Variants in RPS6KA2 observed in about 807,000 individuals in gnomAD.
RPS6KA2 encodes ribosomal protein S6 kinase A2.
RPS6KA2 carries 42 observed loss-of-function variants against 91.8 expected under a neutral mutation model. That is an observed-to-expected ratio of 0.46 (90% CI 0.36 to 0.59). RPS6KA2 has a LOEUF of 0.59. RPS6KA2 is among the 20% of genes least tolerant of loss of function. The probability of loss-of-function intolerance (pLI) is 0.00; values close to 1 mark genes in which losing one functional copy is unlikely to be tolerated. For synonymous variants in RPS6KA2, 414 were observed against 393.6 expected, an observed-to-expected ratio of 1.05 and a Z score of -0.61; for missense variants, 798 against 978.5, an observed-to-expected ratio of 0.82 and a Z score of 2.46.
chr6:166,815,737 G>A (rs1018765280), intron 2 of RPS6KA2, among the ~76,000 whole-genome samples: 1 of 152,176 alleles, frequency 6.6e-6, no homozygotes, highest in African/African-American at 2.4e-5. Flanking sequence ...ACAATAAAAG[G>A]AAAAATTTCA....
intron 2 of RPS6KA2, among the ~76,000 whole-genome samples, chr6:166,845,373 T>C (rs1780580092): frequency 6.6e-6 from 1 of 152,128 alleles, no homozygotes; most frequent in Non-Finnish European, 1.5e-5. Context: ...TTAACAGATA[T>C]TTACAGAACA....
chr6:166,416,205 ACCATCACCCTCG>A (rs1778511571), intron 19 of RPS6KA2, among the ~76,000 whole-genome samples: 3 of 150,936 alleles, frequency 2.0e-5, no homozygotes. Context: ...CATCAACCCT[ACCATCACCCTCG>A]CCATCATCTT....
intron 12 of RPS6KA2, among the ~76,000 whole-genome samples, chr6:166,455,877 C>T (rs145651280): frequency 4.4e-4 from 67 of 152,342 alleles, no homozygotes; most frequent in Middle Eastern, 3.4e-3. Flanking sequence ...AATCTTCAAA[C>T]CTGGAGGCAC....
At position 166,603,282 on chromosome 6, in the gene RPS6KA2, C is replaced by A. The variant is rs1785816431; in HGVS notation, c.99+23639G>T. On this transcript the variant is annotated intron_variant, in intron 1 of 20. Coordinates refer to ENST00000265678, the MANE Select transcript of RPS6KA2 (RefSeq NM_021135.6). The surrounding 1 kb of genome is among the most constrained non-coding windows in gnomAD (Gnocchi z 4.3). ...GGGAAGCTTGGCTGAGATCACTGCA[C>A]CTGCTCTCGGCTTGTGTGGGCCATG... 6.6e-6 allele frequency among the ~76,000 whole-genome samples: 1 copy of A among 152,180 alleles called. No individual in the cohort carries two copies. Among genetic ancestry groups the A allele is most frequent in the African/African-American group, 2.4e-5 (1 of 41,440 alleles).
intron 11 of RPS6KA2, among the ~76,000 whole-genome samples, chr6:166,469,122 G>C (rs1244484562): frequency 6.6e-6 from 1 of 152,190 alleles, no homozygotes; most frequent in Non-Finnish European, 1.5e-5. Context: ...CCCTGTGTGG[G>C]GGACGCGTCA....
chr6:166,832,516 C>A (rs761137025), intron 2 of RPS6KA2, among the ~76,000 whole-genome samples: 4 of 152,062 alleles, frequency 2.6e-5, no homozygotes, highest in Non-Finnish European at 4.4e-5. Context: ...AGTATAATAG[C>A]CAAAAATGGA....
intron 1 of RPS6KA2, among the ~76,000 whole-genome samples, chr6:166,602,975 C>G (rs1785804857): frequency 6.6e-6 from 1 of 152,156 alleles, no homozygotes; most frequent in Admixed American, 6.5e-5. Flanking sequence ...CAGTGAGAAT[C>G]TGGAGAGAGA....
In RPS6KA2 at chr6:166,857,698, C is replaced by G. The variant is rs576338848; in HGVS notation, c.123+502G>C. Among the ~76,000 whole-genome samples, 8 of 152,314 alleles carry G rather than the reference C, an allele frequency of 5.3e-5. No homozygotes were observed. In the East Asian group the frequency reaches 1.5e-3, roughly 29 times the overall value. ...ATACCCTGTCTCTCTTTCCTTCTTT[C>G]CCAGTCAACCCCTACAGGCCCTGGG... On this transcript the variant is annotated intron_variant, in intron 2 of 21. Coordinates refer to the RPS6KA2 transcript ENST00000503859.
chr6:166,528,343 T>C (rs1054158882), intron 3 of RPS6KA2, among the ~76,000 whole-genome samples: 1 of 152,050 alleles, frequency 6.6e-6, no homozygotes, highest in Non-Finnish European at 1.5e-5. Flanking sequence ...TAATAAATGG[T>C]GCTGGGAAAA....
rs1392292406 is a variant in RPS6KA2, at chr6:166,554,071, C to CA, written c.100-15288_100-15287insT. Among the ~76,000 whole-genome samples, 1 of 152,208 alleles carries CA rather than the reference C, an allele frequency of 6.6e-6. No homozygotes were observed. The highest frequency in any genetic ancestry group is 1.5e-5 in the Non-Finnish European group (1 of 68,038). On this transcript the variant is annotated intron_variant, in intron 1 of 20. Transcript: ENST00000265678. The surrounding 1 kb of genome is among the most constrained non-coding windows in gnomAD (Gnocchi z 4.3). ...AAACCCTGTGTGTGTATCTGTCTAT[C>CA]TGTCTGTCCAGGCAAGAACATTTGG...
intron 2 of RPS6KA2, among the ~76,000 whole-genome samples, chr6:166,534,598 T>G (rs1308155541): frequency 6.6e-6 from 1 of 152,222 alleles, no homozygotes; most frequent in Admixed American, 6.5e-5. Flanking sequence ...AGCTGCCAGT[T>G]AAGATTTGGT....
intron 2 of RPS6KA2, among the ~76,000 whole-genome samples, chr6:166,703,632 G>A (rs1402595455): frequency 6.6e-6 from 1 of 152,140 alleles, no homozygotes; most frequent in East Asian, 1.9e-4. Flanking sequence ...TTCTTCTGAA[G>A]TCTTTCTCTT....
rs1035721792 is a variant in RPS6KA2, at chr6:166,858,494, A to G, written c.64-235T>C. On this transcript the variant is annotated intron_variant, in intron 1 of 21. Coordinates refer to the RPS6KA2 transcript ENST00000503859. ...GGTAAGTAAGGCAAGGAGTGTTCAC[A>G]CTAAACCCTAACTCAAACGACTAAA... is the stretch of plus-strand genomic sequence containing the variant. Among the ~76,000 whole-genome samples the G allele has an allele frequency of 2.6e-5, 4 of 152,370 alleles. 1 individual carries two copies. The highest frequency in any genetic ancestry group is 6.5e-5 in the Admixed American group (1 of 15,306).
chr6:166,756,640 G>A (rs1269476214), intron 2 of RPS6KA2, among the ~76,000 whole-genome samples: 1 of 152,144 alleles, frequency 6.6e-6, no homozygotes, highest in Non-Finnish European at 1.5e-5. Context: ...CTGAGGTCAG[G>A]AGTTCGAGAC....
intron 2 of RPS6KA2, among the ~76,000 whole-genome samples, chr6:166,634,039 T>C (rs78942317): frequency 0.018 from 2,729 of 151,942 alleles, 53 homozygotes; most frequent in South Asian, 0.063. Context: ...GTGGGCAGAG[T>C]GTGGGCTCAG....
chr6:166,693,512 G>C (rs1023745731), intron 2 of RPS6KA2, among the ~76,000 whole-genome samples: 6 of 152,188 alleles, frequency 3.9e-5, no homozygotes, highest in African/African-American at 1.2e-4. Flanking sequence ...AGGACTCCCT[G>C]TTCCATATTT....
chr6:166,764,868 G>T (rs1223778998), intron 2 of RPS6KA2, among the ~76,000 whole-genome samples: 1 of 152,206 alleles, frequency 6.6e-6, no homozygotes, highest in Non-Finnish European at 1.5e-5. Flanking sequence ...CAACGTGTGT[G>T]TGTTCACACA....
rs1781741546 is a variant in RPS6KA2, at chr6:166,495,114, A to T, written c.747+3394T>A. Among the ~76,000 whole-genome samples the T allele has an allele frequency of 6.6e-6, 1 of 152,170 alleles. No individual in the cohort carries two copies. Among genetic ancestry groups the T allele is most frequent in the Non-Finnish European group, 1.5e-5 (1 of 68,028 alleles). On this transcript the variant is annotated intron_variant, in intron 8 of 20. Coordinates refer to ENST00000265678, the MANE Select transcript of RPS6KA2 (RefSeq NM_021135.6). This position sits in a 1 kb window ranked among gnomAD's most constrained non-coding sequence, Gnocchi z 4.4. ...CACTAAATGAGAATGTGTTTCTGGG[A>T]CTATTATGTGATCTTGAGCCCGACA...
intron 1 of RPS6KA2, among the ~76,000 whole-genome samples, chr6:166,604,551 G>A (rs550828352): frequency 1.2e-4 from 18 of 152,326 alleles, no homozygotes; most frequent in African/African-American, 4.1e-4. Context: ...CCAGCTGGGG[G>A]AGGTGGCATC....
Sources: gnomAD v4.1 joint callset for allele counts (sites outside exome capture counted in the v4.1 genomes callset) on GRCh38, gnomAD v4.1.1 for gene constraint, Gnocchi (gnomAD v3.1) non-coding constraint, MANE v1.5 for transcripts, NCBI Gene and HGNC (gene_info 2026-07-23, HGNC 2026-07-21) for gene names.